SPTLC1: variants seen among roughly 807,000 people sequenced by gnomAD.
The protein encoded by SPTLC1 is serine palmitoyltransferase long chain base subunit 1.
A neutral mutation model predicts 68.9 loss-of-function variants in SPTLC1; 55 were observed. The observed-to-expected ratio is 0.80, with a 90% CI of 0.64 to 1.00. SPTLC1 has a LOEUF of 1.00. SPTLC1 is among the 50% of genes least tolerant of loss of function. SPTLC1 has a pLI of 0.00. For synonymous variants in SPTLC1, 197 were observed against 201.6 expected, an observed-to-expected ratio of 0.98 and a Z score of 0.19; for missense variants, 449 against 573.1, an observed-to-expected ratio of 0.78 and a Z score of 2.21.
rs752266889 is a variant in SPTLC1, at chr9:92,032,548, C to G, written c.1339G>C (p.Val447Leu). Residue 447 changes from valine (V) to leucine (L), a missense_variant, in exon 15 of 15, where the codon GTG becomes CTG. Val to Leu is a conservative substitution (Grantham distance 32). Transcript: ENST00000262554. ...TCCTCTGTTTGTTCCACCGTGACCACAACCCGAATGCTGAGAACAGTAAAG... is the reference window on the plus strand; with the variant it reads ...TCCTCTGTTTGTTCCACCGTGACCAGAACCCGAATGCTGAGAACAGTAAAG... Reference protein sequence around the residue: ...KCLPPPSIRVVVTVEQTEEEL... With the variant: ...KCLPPPSIRVLVTVEQTEEEL... The G allele has an allele frequency of 6.2e-7, 1 of 1,614,164 alleles. No homozygotes were observed. Among genetic ancestry groups the G allele is most frequent in the Non-Finnish European group, 8.5e-7 (1 of 1,180,038 alleles).
chr9:92,061,688 C>G (rs904667203), intron 6 of SPTLC1, among the ~76,000 whole-genome samples: 1 of 151,416 alleles, frequency 6.6e-6, no homozygotes, highest in African/African-American at 2.4e-5. Context: ...ACTGTATGTA[C>G]AGGAAATATT....
chr9:92,112,222 C>A (rs376411253), intron 2 of SPTLC1, among the ~76,000 whole-genome samples: 1 of 152,176 alleles, frequency 6.6e-6, no homozygotes, highest in Admixed American at 6.5e-5. Context: ...TGCAAGACTG[C>A]TGTTTACTCC....
rs559235861 is a variant in SPTLC1 at position 92,074,142 on chromosome 9, G to A, written c.427+5874C>T. ...TGGACCATCACAGACGCCAAGCTTC[G>A]GGTAACTCTTACAGTGGAGGGTAAG... On this transcript the variant is annotated intron_variant, in intron 5 of 14. Coordinates refer to ENST00000262554, the MANE Select transcript of SPTLC1 (RefSeq NM_006415.4). Among the ~76,000 whole-genome samples the A allele has an allele frequency of 2.5e-4, 38 of 152,146 alleles. 1 individual carries two copies. The highest frequency in any genetic ancestry group is 8.7e-4 in the African/African-American group (36 of 41,506).
intron 3 of SPTLC1, 93 bp from the exon 4 acceptor site, chr9:92,081,056 T>C: frequency 1.1e-6 from 1 of 915,188 alleles, no homozygotes; most frequent in Non-Finnish European, 1.8e-6. Flanking sequence ...CATAGTGTTG[T>C]CATCCTACCC....
intron 3 of SPTLC1, among the ~76,000 whole-genome samples, chr9:92,088,848 T>C (rs564813999): frequency 1.3e-5 from 2 of 152,276 alleles, no homozygotes; most frequent in African/African-American, 4.8e-5. Context: ...TAATGGGCAC[T>C]TGATACAGGA....
At chr9:92,055,698 A>G (rs937785709) in intron 7 of SPTLC1, among the ~76,000 whole-genome samples, 1 of 152,206 alleles carries the variant, frequency 6.6e-6, no homozygotes, top group Non-Finnish European at 1.5e-5. Flanking sequence ...TCACAGCATT[A>G]GCTAGGTGAC....
intron 3 of SPTLC1, among the ~76,000 whole-genome samples, chr9:92,082,286 A>T (rs562418618): frequency 6.3e-4 from 96 of 151,942 alleles, no homozygotes; most frequent in African/African-American, 2.3e-3. Flanking sequence ...CATGTGCACA[A>T]TGTGCAGGTT....
At chr9:92,075,565 G>A (rs1834653868) in intron 5 of SPTLC1, among the ~76,000 whole-genome samples, 1 of 152,204 alleles carries the variant, frequency 6.6e-6, no homozygotes, top group Non-Finnish European at 1.5e-5. Context: ...CCTGTGACCA[G>A]TAGCCTTTGT....
chr9:92,072,456 G>A (rs1587944407), intron 5 of SPTLC1, among the ~76,000 whole-genome samples: 1 of 152,074 alleles, frequency 6.6e-6, no homozygotes, highest in South Asian at 2.1e-4. Flanking sequence ...TTGGCCATTC[G>A]CCAGCCACAC....
Position 92,075,014 on chromosome 9 carries a change from G to A in SPTLC1, c.427+5002C>T, listed in dbSNP as rs571011415. ...AGACAGCCCACACTACTTTAGCCAG[G>A]CCCTCTCCCGTGACCTGCTTTCTTT... is the stretch of plus-strand genomic sequence containing the variant. On this transcript the variant is annotated intron_variant, in intron 5 of 14. Coordinates refer to ENST00000262554, the MANE Select transcript of SPTLC1 (RefSeq NM_006415.4). Among the ~76,000 whole-genome samples the A allele has an allele frequency of 9.3e-4, 142 of 152,094 alleles. 2 individuals carry two copies. Among genetic ancestry groups the A allele is most frequent in the African/African-American group, 2.9e-3 (120 of 41,464 alleles).
At chr9:92,044,550 G>A (rs1294678818) in intron 12 of SPTLC1, among the ~76,000 whole-genome samples, 6 of 152,240 alleles carry the variant, frequency 3.9e-5, no homozygotes, top group African/African-American at 1.2e-4. Context: ...TAGCTACTGA[G>A]AGGAGCAAAG....
intron 3 of SPTLC1, among the ~76,000 whole-genome samples, chr9:92,097,798 A>G (rs1835584875): frequency 6.6e-6 from 1 of 152,208 alleles, no homozygotes; most frequent in Admixed American, 6.5e-5. Context: ...ATACACTTCA[A>G]AATGACAGAT....
At chr9:92,053,060 TA>T (rs1308945712) in intron 8 of SPTLC1, among the ~76,000 whole-genome samples, 1 of 146,304 alleles carries the variant, frequency 6.8e-6, no homozygotes, top group African/African-American at 2.5e-5. Context: ...CAACCCAATT[TA>T]AAAAATGGGC....
intron 6 of SPTLC1, among the ~76,000 whole-genome samples, chr9:92,060,272 G>A (rs989378496): frequency 3.9e-5 from 6 of 152,150 alleles, no homozygotes; most frequent in African/African-American, 1.4e-4. Flanking sequence ...CAATATGAAA[G>A]TGTCTAGGTT....
chr9:92,086,630 T>C (rs1171031564), intron 3 of SPTLC1, among the ~76,000 whole-genome samples: 3 of 152,264 alleles, frequency 2.0e-5, no homozygotes, highest in African/African-American at 7.2e-5. Flanking sequence ...TCTGATGGGC[T>C]TCCCTTTGTG....
At chr9:92,105,648 C>CCGTCTGGGCAGTGAGGAG (rs1835938208) in intron 3 of SPTLC1, among the ~76,000 whole-genome samples, 1 of 151,592 alleles carries the variant, frequency 6.6e-6, no homozygotes, top group Non-Finnish European at 1.5e-5. Context: ...GGCCACCGCA[C>CCGTCTGGGCAGTGAGGAG]CGTCTGGGCA....
In SPTLC1 at chr9:92,055,439, A is replaced by T; in HGVS notation, c.746T>A (p.Met249Lys). The T allele has an allele frequency of 6.2e-7, 1 of 1,613,822 alleles. No individual in the cohort carries two copies. The highest frequency in any genetic ancestry group is 1.6e-4 in the Middle Eastern group (1 of 6,062). The change falls in exon 8 of 15, where the codon ATG (methionine) becomes AAG (lysine). Residue 249 changes from methionine to lysine, a missense_variant. Met to Lys is a moderately conservative substitution (Grantham distance 95, BLOSUM62 -1). Around this residue, in one of 3 missense-constraint regions of SPTLC1, gnomAD observed 391 missense variants for 472.1 expected, o/e 0.83. Coordinates refer to ENST00000262554, the MANE Select transcript of SPTLC1 (RefSeq NM_006415.4). ...AAGAGGACAAATAGTTCCAGTATTC[A>T]TATACAATCCTTCTACTACAATGAA... ...RRFIVVEGLY[M>K]NTGTICPLPE...
Position 92,082,602 on chromosome 9 carries a change from G to T in SPTLC1, c.261-1639C>A, listed in dbSNP as rs978593025. On this transcript the variant is annotated intron_variant, in intron 3 of 14. Transcript: ENST00000262554. Reference sequence around the variant, plus strand: ...TTTTATGGCTGCATAGTATTCCATGGTGTATATGTGCCACATTTTCTTAAT... The same window carrying T: ...TTTTATGGCTGCATAGTATTCCATGTTGTATATGTGCCACATTTTCTTAAT... Among the ~76,000 whole-genome samples, 42 of 151,812 alleles carry T rather than the reference G, an allele frequency of 2.8e-4. 1 individual carries two copies. In the East Asian group the frequency reaches 5.8e-3, roughly 21 times the overall value.
At chr9:92,056,545 C>T (rs1425375715) in intron 7 of SPTLC1, among the ~76,000 whole-genome samples, 1 of 152,084 alleles carries the variant, frequency 6.6e-6, no homozygotes, top group Non-Finnish European at 1.5e-5. Context: ...TCAAAAAACA[C>T]ACACCTTCAC....
Sources: allele counts gnomAD v4.1 joint callset (sites outside exome capture counted in the v4.1 genomes callset), GRCh38; gene constraint gnomAD v4.1.1; regional missense constraint gnomAD v4.1.1; transcripts MANE v1.5; gene names NCBI Gene and HGNC (gene_info 2026-07-23, HGNC 2026-07-21).